Variants in BMS1 observed in about 807,000 individuals in gnomAD.
The protein encoded by BMS1 is BMS1 ribosome biogenesis factor.
Under a neutral mutation model 138.7 loss-of-function variants are expected in BMS1, and 53 were observed. The ratio of observed to expected loss-of-function variants is 0.38; its 90% confidence interval spans 0.31 to 0.48. BMS1 has a LOEUF of 0.48. Among genes scored for constraint, BMS1 ranks in the 20% least tolerant of loss-of-function variants. The pLI, the probability that BMS1 is intolerant of heterozygous loss-of-function variation, is 0.97. For synonymous variants in BMS1, 504 were observed against 539.9 expected (o/e 0.93, Z 0.92); for missense variants, 1,360 against 1,565.5 (o/e 0.87, Z 2.22).
intron 9 of BMS1, among the ~76,000 whole-genome samples, chr10:42,796,273 G>T (rs1307082885): frequency 6.6e-6 from 1 of 152,124 alleles, no homozygotes; most frequent in African/African-American, 2.4e-5. Flanking sequence ...TTCTTTTGAA[G>T]TGTGGTGTTA....
chr10:42,828,422 G>A (rs1412440085), intron 21 of BMS1, among the ~76,000 whole-genome samples: 1 of 152,116 alleles, frequency 6.6e-6, no homozygotes, highest in Non-Finnish European at 1.5e-5. Flanking sequence ...GGACTTGCAG[G>A]TACGGAGGGG....
In BMS1 at chr10:42,811,506, A is replaced by G. The variant is rs183934423; in HGVS notation, c.2330-5093A>G. On this transcript the variant is annotated intron_variant, in intron 13 of 22. Coordinates refer to ENST00000374518, the MANE Select transcript of BMS1 (RefSeq NM_014753.4). The stretch of plus-strand genomic sequence containing the variant: ...GCTGAGCTGTACCCCACAAATGTTC[A>G]CGTGTTGTATTTTCTTTTTCTTTTT... Among the ~76,000 whole-genome samples, 702 of 147,158 alleles carry G rather than the reference A, an allele frequency of 4.8e-3. 2 individuals are homozygous for G. Among genetic ancestry groups the G allele is most frequent in the African/African-American group, 0.017 (662 of 39,524 alleles).
intron 13 of BMS1, among the ~76,000 whole-genome samples, chr10:42,811,520 C>CTTTTTTTTTTTTTTTTTTTTTTTTTT (rs879940551): frequency 8.2e-6 from 1 of 121,568 alleles, no homozygotes; most frequent in African/African-American, 3.4e-5. Context: ...GTTGTATTTT[C>CTTTTTTTTTTTTTTTTTTTTTTTTTT]TTTTTCTTTT....
intron 15 of BMS1, among the ~76,000 whole-genome samples, chr10:42,819,277 G>A (rs1407943943): frequency 6.6e-6 from 1 of 152,154 alleles, no homozygotes; most frequent in Admixed American, 6.5e-5. Flanking sequence ...TTCTGTGCCT[G>A]AGCTGCCTGT....
Position 42,806,721 on chromosome 10 carries a change from C to T in BMS1, c.2329+4503C>T, listed in dbSNP as rs1037267302. 3.7e-4 allele frequency among the ~76,000 whole-genome samples: 50 copies of T among 135,628 alleles called. No homozygotes were observed. The Admixed American group carries it at 3.9e-3, about 11-fold the overall frequency. 89.0% of individuals were successfully genotyped at this position (135,628 alleles called of 152,430 possible). ...CTGTACTCCAGCCTGGGCGACAGCA[C>T]GAGACTCCGTCTCAGGAAAAAAAAA... On this transcript the variant is annotated intron_variant, in intron 13 of 22. Transcript: ENST00000374518.
chr10:42,792,398 T>G, intron 6 of BMS1, 95 bp from the exon 7 acceptor site: 2 of 1,503,014 alleles, frequency 1.3e-6, no homozygotes, highest in South Asian at 2.6e-5. Context: ...AATGACGTGC[T>G]TAATGGACAA....
rs764849613 is a variant in BMS1 at position 42,797,059 on chromosome 10, A to T, written c.1815A>T (p.Glu605Asp). 4 of 1,614,108 alleles carry T rather than the reference A, an allele frequency of 2.5e-6. No homozygotes were observed. The East Asian group carries it at 8.9e-5, about 36-fold the overall frequency. ...GCTCCTCACTCAGTGCAGAGGAAGA[A>T]GACTCAGAAAATGAAGAGGCTATTA... is the stretch of plus-strand genomic sequence containing the variant. ...EESSSLSAEE[E>D]DSENEEAIRK... The change falls in exon 10 of 23, where the codon GAA (glutamate) becomes GAT (aspartate). Residue 605 changes from glutamate to aspartate, a missense_variant. By Grantham distance (45) the Glu-to-Asp change is conservative. Transcript: ENST00000374518.
At chr10:42,808,565 C>T (rs182525770) in intron 13 of BMS1, among the ~76,000 whole-genome samples, 127 of 152,216 alleles carry the variant, frequency 8.3e-4, no homozygotes, top group Non-Finnish European at 1.6e-3. Flanking sequence ...TCCCAAAGTG[C>T]TGGGATTACA....
At chr10:42,792,113 T>C (rs1226227140) in intron 6 of BMS1, among the ~76,000 whole-genome samples, 1 of 152,154 alleles carries the variant, frequency 6.6e-6, no homozygotes, top group East Asian at 1.9e-4. Flanking sequence ...GTGCTCTTCC[T>C]CGTGTGGTTT....
chr10:42,796,720 A>C lies in BMS1; in HGVS notation c.1476A>C (p.Glu492Asp), dbSNP rs757678927. Residue 492 changes from glutamate (E) to aspartate (D), a missense_variant, in exon 10 of 23, where the codon GAA (glutamate) becomes GAC (aspartate). Around this residue, in one of 3 missense-constraint regions of BMS1, gnomAD observed 697 missense variants for 686.2 expected, o/e 1.02. Coordinates refer to ENST00000374518, the MANE Select transcript of BMS1 (RefSeq NM_014753.4). ...GIKRRKLELE[E>D]DSEMDLPAFA... ...AACGACGGAAACTTGAGTTGGAAGA[A>C]GACAGTGAAATGGATTTGCCAGCAT... The C allele has an allele frequency of 6.2e-7, 1 of 1,614,246 alleles. No homozygotes were observed. Among genetic ancestry groups the C allele is most frequent in the Non-Finnish European group, 8.5e-7 (1 of 1,180,048 alleles).
At chr10:42,799,605 A>G (rs1040844347) in intron 12 of BMS1, among the ~76,000 whole-genome samples, 12 of 152,202 alleles carry the variant, frequency 7.9e-5, no homozygotes, top group African/African-American at 2.9e-4. Flanking sequence ...TAATACAGAT[A>G]TATAAAACCA....
intron 13 of BMS1, among the ~76,000 whole-genome samples, chr10:42,809,486 C>G (rs1420022830): frequency 6.6e-6 from 1 of 151,994 alleles, no homozygotes; most frequent in African/African-American, 2.4e-5. Context: ...GTCTCAAACT[C>G]CTGAATGCCA....
chr10:42,783,047 G>T (rs901662871), intron 1 of BMS1, among the ~76,000 whole-genome samples: 1 of 152,096 alleles, frequency 6.6e-6, no homozygotes, highest in Admixed American at 6.5e-5. Flanking sequence ...GGGAGGGAAG[G>T]TGGCTGGGCG....
chr10:42,796,411 C>T (rs1385088747), intron 9 of BMS1, 63 bp from the exon 10 acceptor site: 6 of 1,486,700 alleles, frequency 4.0e-6, no homozygotes, highest in African/African-American at 1.4e-5. Context: ...GACTATATTG[C>T]CATTTCTAGA....
At chr10:42,814,271 A>G (rs770028206) in intron 13 of BMS1, among the ~76,000 whole-genome samples, 7 of 151,866 alleles carry the variant, frequency 4.6e-5, no homozygotes, top group Non-Finnish European at 8.8e-5. Flanking sequence ...AGCTCTGTTC[A>G]TTTGTTTTCA....
rs1842469975 is a variant in BMS1, at chr10:42,820,352, G to A, written c.2697G>A (p.Gln899=). ...AAAATGTTCCCTGTGAATTTGTGCA[G>A]AACTTTGACCCCCATTACCCCATTA... ...EIENVPCEFV[Q]NFDPHYPIIL... is the part of the protein sequence containing the mutation. The change falls in exon 16 of 23, where the codon CAG becomes CAA. Residue 899 remains glutamine (Q), a synonymous_variant. Transcript: ENST00000374518. 1 of 1,613,768 alleles carries A rather than the reference G, an allele frequency of 6.2e-7. No homozygotes were observed. Among genetic ancestry groups the A allele is most frequent in the African/African-American group, 1.3e-5 (1 of 74,992 alleles).
At chr10:42,820,027 T>A (rs999390125) in intron 15 of BMS1, among the ~76,000 whole-genome samples, 6 of 152,070 alleles carry the variant, frequency 3.9e-5, no homozygotes, top group Admixed American at 6.5e-5. Flanking sequence ...CCTGACCTCA[T>A]GTGATCTGCC....
intron 13 of BMS1, among the ~76,000 whole-genome samples, chr10:42,808,912 T>C (rs906939865): frequency 8.5e-5 from 13 of 152,206 alleles, no homozygotes; most frequent in African/African-American, 3.1e-4. Context: ...TGTAGCTTTA[T>C]AGTGAGTGTT....
At chr10:42,785,746 T>G in intron 3 of BMS1, 74 bp downstream of exon 3, 1 of 1,473,048 alleles carries the variant, frequency 6.8e-7, no homozygotes, top group Admixed American at 1.8e-5. Flanking sequence ...GTTTGTTGTT[T>G]TCTTGAGTGG....
Sources: allele counts gnomAD v4.1 joint callset (sites outside exome capture counted in the v4.1 genomes callset), GRCh38; gene constraint gnomAD v4.1.1; regional missense constraint gnomAD v4.1.1; transcripts MANE v1.5; gene names NCBI Gene and HGNC (gene_info 2026-07-23, HGNC 2026-07-21).